Variants in FAT4 observed in about 807,000 individuals in gnomAD.
FAT4 encodes the protein FAT atypical cadherin 4.
A neutral mutation model predicts 303.9 loss-of-function variants in FAT4; 84 were observed. That is an observed-to-expected ratio of 0.28 (90% CI 0.23 to 0.33). The LOEUF (loss-of-function observed/expected upper bound fraction) is 0.33. Among genes scored for constraint, FAT4 ranks in the 10% least tolerant of loss-of-function variants. FAT4 has a pLI of 1.00. For missense variants in FAT4, 6,005 were observed against 6,146.8 expected (o/e 0.98, Z 0.77); for synonymous variants, 2,307 against 2,298.8 (o/e 1.00, Z -0.10).
In FAT4 at chr4:125,490,801, C is replaced by T. The variant is rs1727604042; in HGVS notation, c.13985C>T (p.Ala4662Val). 1.2e-6 allele frequency: 2 copies of T among 1,614,094 alleles called. No homozygotes were observed. Among genetic ancestry groups the T allele is most frequent in the Non-Finnish European group, 1.7e-6 (2 of 1,180,020 alleles). ...SIQRHSPLGF[A>V]RQSPMPLGAS... The stretch of plus-strand genomic sequence containing the variant: ...CAGAGGCACAGTCCCCTAGGCTTTG[C>T]AAGGCAATCCCCCATGCCCTTAGGA... Residue 4662 changes from alanine to valine, a missense_variant, in exon 18 of 18, where the codon GCA (alanine) becomes GTA (valine). By Grantham distance (64) the Ala-to-Val change is moderately conservative. Coordinates refer to ENST00000394329, the MANE Select transcript of FAT4 (RefSeq NM_001291303.3).
chr4:125,472,998 T>G (rs993807191), intron 12 of FAT4, among the ~76,000 whole-genome samples: 3 of 152,182 alleles, frequency 2.0e-5, no homozygotes, highest in Non-Finnish European at 2.9e-5. Context: ...AGTGTTAATA[T>G]TTTCCAGCTG....
chr4:125,368,754 A>G (rs1732988791), intron 2 of FAT4, among the ~76,000 whole-genome samples: 1 of 151,754 alleles, frequency 6.6e-6, no homozygotes, highest in African/African-American at 2.4e-5. Context: ...AGAGAGAGAG[A>G]GAAAGAGAAA....
At chr4:125,384,651 T>C (rs1733666589) in intron 2 of FAT4, among the ~76,000 whole-genome samples, 1 of 152,146 alleles carries the variant, frequency 6.6e-6, no homozygotes, top group African/African-American at 2.4e-5. Context: ...AAGGTTTAAA[T>C]TGTGATGAAG....
At position 125,490,059 on chromosome 4, in the gene FAT4, T is replaced by A. The variant is rs781630885; in HGVS notation, c.13243T>A (p.Leu4415Met). The change falls in exon 18 of 18, where the codon TTG becomes ATG. Residue 4415 changes from leucine to methionine, a missense_variant. Physicochemically the swap from Leu to Met is conservative, Grantham distance 15. Transcript: ENST00000394329. Reference protein sequence around the residue: ...ICASNPCWGDLLCINQWYAYR... With the variant: ...ICASNPCWGDMLCINQWYAYR... ...TGCCAGCAACCCCTGCTGGGGTGAT[T>A]TGCTGTGCATTAATCAGTGGTATGC... 12 of 1,614,022 alleles carry A rather than the reference T, an allele frequency of 7.4e-6. No homozygotes were observed. In the South Asian group the frequency reaches 1.3e-4, roughly 18 times the overall value.
chr4:125,353,465 G>C (rs1223709139), intron 2 of FAT4, among the ~76,000 whole-genome samples: 1 of 151,586 alleles, frequency 6.6e-6, no homozygotes, highest in Non-Finnish European at 1.5e-5. Context: ...GCTCAGAAAT[G>C]AGATGAATAT....
rs1365142708 is a variant in FAT4, at chr4:125,491,819, C to T, written c.*51C>T. The T allele has an allele frequency of 1.3e-6, 2 of 1,499,606 alleles. No individual in the cohort carries two copies. The highest frequency in any genetic ancestry group is 2.8e-5 in the South Asian group (2 of 72,356). The allele number at this position is 1,499,606 out of a possible 1,614,324, so 92.9% of individuals were successfully genotyped here. ...ATAAAAACAAGAAATAATACTCAAACCATTGTAAAGTTGCTGACTAGGTTG... is the reference window on the plus strand; with the variant it reads ...ATAAAAACAAGAAATAATACTCAAATCATTGTAAAGTTGCTGACTAGGTTG... On this transcript the variant is annotated 3_prime_UTR_variant, in exon 18 of 18. Coordinates refer to ENST00000394329, the MANE Select transcript of FAT4 (RefSeq NM_001291303.3).
chr4:125,319,577 A>T lies in FAT4; in HGVS notation c.3166A>T (p.Ser1056Cys). ...IFPDGQLYIK[S>C]ELDRELQDRY... ...CCCAGATGGTCAATTGTATATAAAA[A>T]GTGAACTGGACCGTGAACTTCAAGA... Residue 1056 changes from serine (S) to cysteine (C), a missense_variant, in exon 2 of 18, where the codon AGT becomes TGT. Physicochemically the swap from Ser to Cys is moderately radical, Grantham distance 112 (BLOSUM62 -1). Coordinates refer to ENST00000394329, the MANE Select transcript of FAT4 (RefSeq NM_001291303.3). 1 of 1,614,192 alleles carries T rather than the reference A, an allele frequency of 6.2e-7. No homozygotes were observed.
At chr4:125,434,827 C>G (rs116543404) in intron 8 of FAT4, among the ~76,000 whole-genome samples, 2 of 152,070 alleles carry the variant, frequency 1.3e-5, no homozygotes, top group African/African-American at 2.4e-5. Flanking sequence ...ATCTTGGCCC[C>G]CTCTGTCCTC....
intron 8 of FAT4, among the ~76,000 whole-genome samples, chr4:125,437,895 A>G (rs1239129112): frequency 6.6e-6 from 1 of 152,166 alleles, no homozygotes; most frequent in African/African-American, 2.4e-5. Flanking sequence ...CTTTAAAGAG[A>G]GTAAGTAAAA....
In FAT4 at chr4:125,318,817, T is replaced by G; in HGVS notation, c.2406T>G (p.Val802=). Residue 802 remains valine, a synonymous_variant, in exon 2 of 18, where the codon GTT becomes GTG. Transcript: ENST00000394329. Reference sequence around the variant, plus strand: ...GTCAGGTTGCCTACAGCTTTGTGGTTTTTGAGAACGTGGCGCTGGGATATC... The same window carrying G: ...GTCAGGTTGCCTACAGCTTTGTGGTGTTTGAGAACGTGGCGCTGGGATATC... ...VFSQVAYSFV[V]FENVALGYHV... 6.2e-7 allele frequency: 1 copy of G among 1,614,172 alleles called. No homozygotes were observed. Among genetic ancestry groups the G allele is most frequent in the Non-Finnish European group, 8.5e-7 (1 of 1,180,030 alleles).
chr4:125,487,253 G>A (rs1727440111), intron 16 of FAT4, 92 bp from the exon 17 acceptor site: 3 of 1,170,068 alleles, frequency 2.6e-6, no homozygotes, highest in Admixed American at 2.2e-5. Context: ...ATCTGCTGTG[G>A]ACTGGTCAAA....
intron 2 of FAT4, among the ~76,000 whole-genome samples, chr4:125,338,541 C>G (rs1731657611): frequency 6.6e-6 from 1 of 152,096 alleles, no homozygotes; most frequent in Non-Finnish European, 1.5e-5. Context: ...TAAGCAGTTA[C>G]CTTTAACAGG....
In FAT4 at chr4:125,492,456, G is replaced by C. The variant is rs1180250670; in HGVS notation, c.*688G>C. On this transcript the variant is annotated 3_prime_UTR_variant, in exon 18 of 18. Coordinates refer to ENST00000394329, the MANE Select transcript of FAT4 (RefSeq NM_001291303.3). ...GGCTTCCATTAGGAACAGAATGATT[G>C]CATGTTGTCCCCAGAACACTGCCAC... 1 of 152,206 alleles carries C rather than the reference G, an allele frequency of 6.6e-6. No individual in the cohort carries two copies. The highest frequency in any genetic ancestry group is 1.5e-5 in the Non-Finnish European group (1 of 68,054). 9.4% of individuals were successfully genotyped at this position (152,206 alleles called of 1,614,324 possible). A position where few individuals can be genotyped will look rare whatever the true frequency, so the allele number is the denominator to read the frequency against.
chr4:125,458,948 C>T (rs867490887), intron 10 of FAT4, among the ~76,000 whole-genome samples: 4 of 151,878 alleles, frequency 2.6e-5, no homozygotes, highest in African/African-American at 9.7e-5. Flanking sequence ...GTGCAAAAGA[C>T]AGCTACTTTT....
intron 2 of FAT4, among the ~76,000 whole-genome samples, chr4:125,357,603 A>C (rs2710561): frequency 1.6e-3 from 239 of 152,302 alleles, no homozygotes; most frequent in African/African-American, 5.3e-3. Context: ...ATGTTATTTT[A>C]ACTGCTCATT....
intron 2 of FAT4, among the ~76,000 whole-genome samples, chr4:125,361,123 G>A (rs1732649246): frequency 6.6e-6 from 1 of 151,646 alleles, no homozygotes; most frequent in South Asian, 2.1e-4. Context: ...TTCCCCAGTG[G>A]GGCAAAGTTC....
chr4:125,436,865 T>C (rs1024790392), intron 8 of FAT4, among the ~76,000 whole-genome samples: 1 of 151,776 alleles, frequency 6.6e-6, no homozygotes, highest in Non-Finnish European at 1.5e-5. Flanking sequence ...TATCTATGTA[T>C]TTTTTTTGAG....
intron 7 of FAT4, among the ~76,000 whole-genome samples, chr4:125,421,101 T>G (rs940500685): frequency 3.9e-5 from 6 of 152,178 alleles, no homozygotes; most frequent in African/African-American, 1.4e-4. Context: ...TTTTTTTTAT[T>G]TTAGTAGAGA....
At position 125,408,662 on chromosome 4, in the gene FAT4, G is replaced by A. The variant is rs755097052; in HGVS notation, c.5788G>A (p.Val1930Ile). The A allele has an allele frequency of 1.9e-6, 3 of 1,610,004 alleles. No homozygotes were observed. The South Asian group carries it at 3.3e-5, about 18-fold the overall frequency. Residue 1930 changes from valine to isoleucine, a missense_variant, in exon 5 of 18, where the codon GTT becomes ATT. Transcript: ENST00000394329. ...TGGGGGACAATTTACTACCATCAGAGTTTATTTCAATATTCTAGATGTAAA... is the reference window on the plus strand; with the variant it reads ...TGGGGGACAATTTACTACCATCAGAATTTATTTCAATATTCTAGATGTAAA... ...DGGGQFTTIR[V>I]YFNILDVNDN...
Sources: gnomAD v4.1 joint callset for allele counts (sites outside exome capture counted in the v4.1 genomes callset) on GRCh38, gnomAD v4.1.1 for gene constraint, MANE v1.5 for transcripts, NCBI Gene and HGNC (gene_info 2026-07-23, HGNC 2026-07-21) for gene names.